The following CSMD1 variants were observed in gnomAD, a reference collection of about 807,000 sequenced individuals.
The protein encoded by CSMD1 is CUB and sushi domain-containing protein 1.
In CSMD1, 213 loss-of-function variants were observed where a neutral mutation model predicts 417.5. That is an observed-to-expected ratio of 0.51 (90% CI 0.46 to 0.57). CSMD1 has a LOEUF of 0.57. Ranked by LOEUF, CSMD1 falls within the 20% of genes least tolerant of loss-of-function variation. The pLI is 0.00. For synonymous variants in CSMD1, 2,862 were observed against 1,736.8 expected (o/e 1.65, Z -16.11); for missense variants, 6,923 against 4,529.7 (o/e 1.53, Z -15.17).
intron 3 of CSMD1, among the ~76,000 whole-genome samples, chr8:4,263,987 C>A (rs1015798758): frequency 6.6e-6 from 1 of 152,104 alleles, no homozygotes; most frequent in African/African-American, 2.4e-5. Flanking sequence ...CAGGAGACAA[C>A]ATGTCTTAGA....
intron 3 of CSMD1, among the ~76,000 whole-genome samples, chr8:4,113,674 G>C (rs1386878890): frequency 6.6e-6 from 1 of 152,104 alleles, no homozygotes; most frequent in Non-Finnish European, 1.5e-5. Flanking sequence ...AAAGTGCTAG[G>C]ATTACAGGCA....
chr8:4,421,735 C>G (rs1392945474), intron 2 of CSMD1, among the ~76,000 whole-genome samples: 1 of 151,562 alleles, frequency 6.6e-6, no homozygotes, highest in Non-Finnish European at 1.5e-5. Flanking sequence ...TAGAAAAACT[C>G]CCAAATCCCT....
intron 26 of CSMD1, among the ~76,000 whole-genome samples, chr8:3,258,755 G>T (rs1215037807): frequency 6.6e-6 from 1 of 152,198 alleles, no homozygotes; most frequent in Non-Finnish European, 1.5e-5. Context: ...GGAATACTAT[G>T]CAGCTTTAAA....
At chr8:4,107,308 T>C (rs1801618753) in intron 3 of CSMD1, among the ~76,000 whole-genome samples, 2 of 152,114 alleles carry the variant, frequency 1.3e-5, no homozygotes, top group African/African-American at 4.8e-5. Context: ...ATTTAGAACT[T>C]CCTGAAATAG....
rs550027745 is a variant in CSMD1 at position 4,445,323 on chromosome 8, T to C, written c.303-25258A>G. Among the ~76,000 whole-genome samples the C allele has an allele frequency of 2.6e-5, 4 of 152,328 alleles. No homozygotes were observed. In the South Asian group the frequency reaches 8.3e-4, roughly 32 times the overall value. ...TATCTGCCTCATTAAATCAACCATT[T>C]TCTGTATACTTCAGAAGTGTATGAA... On this transcript the variant is annotated intron_variant, in intron 2 of 69. Transcript: ENST00000635120.
chr8:4,883,011 G>C (rs770896062), intron 1 of CSMD1, among the ~76,000 whole-genome samples: 2 of 152,142 alleles, frequency 1.3e-5, no homozygotes, highest in East Asian at 1.9e-4. Flanking sequence ...AATTAGCTGA[G>C]AGCTCCTTTC....
chr8:4,253,598 G>A (rs560300265), intron 3 of CSMD1, among the ~76,000 whole-genome samples: 1 of 152,176 alleles, frequency 6.6e-6, no homozygotes, highest in Admixed American at 6.5e-5. Context: ...AATGAGATGA[G>A]AAAGTATCTG....
At chr8:4,819,246 A>G (rs1425146645) in intron 1 of CSMD1, among the ~76,000 whole-genome samples, 1 of 152,200 alleles carries the variant, frequency 6.6e-6, no homozygotes, top group African/African-American at 2.4e-5. Flanking sequence ...AGTATTTGGC[A>G]TTTTACAATT....
At chr8:3,776,394 C>A (rs182571651) in intron 5 of CSMD1, among the ~76,000 whole-genome samples, 16 of 152,278 alleles carry the variant, frequency 1.1e-4, no homozygotes, top group Admixed American at 7.8e-4. Context: ...TCTAAAGAGG[C>A]GCTGCAAGGG....
intron 3 of CSMD1, among the ~76,000 whole-genome samples, chr8:4,341,437 T>G (rs1015077845): frequency 6.6e-6 from 1 of 152,126 alleles, no homozygotes; most frequent in Admixed American, 6.6e-5. Context: ...TGAAGATAAG[T>G]TTACCTCATT....
chr8:3,818,617 T>A (rs1425106077), intron 5 of CSMD1, among the ~76,000 whole-genome samples: 1 of 151,686 alleles, frequency 6.6e-6, no homozygotes, highest in Admixed American at 6.6e-5. Flanking sequence ...AGAAACAGGG[T>A]CCCATGGGTC....
chr8:4,800,178 C>G (rs1318103497), intron 1 of CSMD1, among the ~76,000 whole-genome samples: 1 of 152,018 alleles, frequency 6.6e-6, no homozygotes, highest in African/African-American at 2.4e-5. Flanking sequence ...ACGGCTCATG[C>G]CTATAACCCC....
At chr8:4,819,893 CT>C (rs1799423163) in intron 1 of CSMD1, among the ~76,000 whole-genome samples, 1 of 152,066 alleles carries the variant, frequency 6.6e-6, no homozygotes, top group Non-Finnish European at 1.5e-5. Context: ...GCCCTGTGGA[CT>C]TTGGGGGTGG....
intron 3 of CSMD1, among the ~76,000 whole-genome samples, chr8:4,419,257 A>T (rs1797116856): frequency 6.6e-6 from 1 of 152,202 alleles, no homozygotes; most frequent in African/African-American, 2.4e-5. Flanking sequence ...AAGGCAATTT[A>T]AAATCTCCAT....
At chr8:4,491,002 A>G (rs1443981988) in intron 2 of CSMD1, among the ~76,000 whole-genome samples, 14 of 152,174 alleles carry the variant, frequency 9.2e-5, no homozygotes, top group Admixed American at 9.2e-4. Flanking sequence ...CTCACAGTGT[A>G]TTGAGGCTAG....
chr8:4,435,663 G>A (rs1317179726), intron 2 of CSMD1, among the ~76,000 whole-genome samples: 1 of 152,188 alleles, frequency 6.6e-6, no homozygotes, highest in Non-Finnish European at 1.5e-5. Context: ...GGGATTTCCT[G>A]TGAGGTCACC....
At chr8:3,937,888 C>T (rs369500203) in intron 5 of CSMD1, among the ~76,000 whole-genome samples, 1 of 152,076 alleles carries the variant, frequency 6.6e-6, no homozygotes, top group Non-Finnish European at 1.5e-5. Context: ...ACACAAGAAA[C>T]TTTATGATTT....
intron 6 of CSMD1, among the ~76,000 whole-genome samples, chr8:3,748,891 C>G (rs772883452): frequency 2.0e-5 from 3 of 152,134 alleles, no homozygotes; most frequent in Non-Finnish European, 1.5e-5. Context: ...CAGGGTTTCC[C>G]TTGATTTATG....
intron 5 of CSMD1, among the ~76,000 whole-genome samples, chr8:3,946,664 C>A (rs1476908054): frequency 6.6e-6 from 1 of 152,086 alleles, no homozygotes; most frequent in Admixed American, 6.6e-5. Flanking sequence ...ATCTTGAAAG[C>A]CCTGCATCTT....
Sources: allele counts gnomAD v4.1 joint callset (sites outside exome capture counted in the v4.1 genomes callset), GRCh38; gene constraint gnomAD v4.1.1; transcripts MANE v1.5; gene names NCBI Gene and HGNC (gene_info 2026-07-23, HGNC 2026-07-21).